The following SLC4A2 variants were observed in gnomAD, a reference collection of about 807,000 sequenced individuals.
SLC4A2 encodes solute carrier family 4 member 2, also known as anion exchange protein 2.
Under a neutral mutation model 115.0 loss-of-function variants are expected in SLC4A2, and 36 were observed. The ratio of observed to expected loss-of-function variants is 0.31; its 90% CI spans 0.24 to 0.41. The LOEUF is 0.41. Ranked by LOEUF, SLC4A2 falls within the 10% of genes least tolerant of loss-of-function variation. The probability of loss-of-function intolerance (pLI) is 1.00; values close to 1 mark genes in which losing one functional copy is unlikely to be tolerated. For synonymous variants in SLC4A2, 708 were observed against 708.3 expected, an observed-to-expected ratio of 1.00 and a Z score of 0.01; for missense variants, 1,252 against 1,705.6, an observed-to-expected ratio of 0.73 and a Z score of 4.68.
chr7:151,074,104 G>A lies in SLC4A2; in HGVS notation c.2601G>A (p.Glu867=), dbSNP rs1797533885. The change falls in exon 17 of 23, where the codon GAG becomes GAA. Residue 867 remains glutamate, a synonymous_variant. Transcript: ENST00000413384. ...ASNSSEVDGG[E]NMTWAGARPT... ...ACAGCTCAGAGGTGGACGGCGGTGA[G>A]AACATGACATGGGCCGGGGCAAGAC... 2.5e-6 allele frequency: 4 copies of A among 1,611,276 alleles called. No homozygotes were observed. Among genetic ancestry groups the A allele is most frequent in the Non-Finnish European group, 3.4e-6 (4 of 1,179,034 alleles).
At chr7:151,062,439 C>T in intron 2 of SLC4A2, 1 of 1,045,132 alleles carries the variant, frequency 9.6e-7, no homozygotes, top group Non-Finnish European at 1.3e-6. Context: ...TGCCCACGTG[C>T]CACCCAGGCC....
At chr7:151,058,301 G>A (rs1470311411), upstream of SLC4A2, 9 of 213,124 alleles carry the variant, frequency 4.2e-5, no homozygotes, top group Non-Finnish European at 6.7e-5. Context: ...AGGGGTTTGG[G>A]GTTTGGCGGC....
rs145331845 is a variant in SLC4A2, at chr7:151,076,173, G to C, written c.3632G>C (p.Arg1211Pro). The stretch of plus-strand genomic sequence containing the variant: ...GTGCTCACCCGTATCTTCACCGACC[G>C]AGAGATGAAATGTGTAAGCCCTCCC... Reference protein sequence around the residue: ...MVVLTRIFTDREMKCLDANEA... With the variant: ...MVVLTRIFTDPEMKCLDANEA... The change falls in exon 22 of 23, where the codon CGA becomes CCA. Residue 1211 changes from arginine (R) to proline (P), a missense_variant. By Grantham distance (103) the Arg-to-Pro change is moderately radical (BLOSUM62 -2). Around this residue, in one of 14 missense-constraint regions of SLC4A2, gnomAD observed 52 missense variants for 40.6 expected, o/e 1.28. Transcript: ENST00000413384. 6.2e-7 allele frequency: 1 copy of C among 1,611,296 alleles called. No individual in the cohort carries two copies. The highest frequency in any genetic ancestry group is 1.1e-5 in the South Asian group (1 of 91,030).
rs376563966 is a variant in SLC4A2, at chr7:151,071,332, C to T, written c.1975+35C>T. 2.1e-4 allele frequency: 327 copies of T among 1,542,628 alleles called. 2 individuals are homozygous for T. Among genetic ancestry groups the T allele is most frequent in the South Asian group, 1.9e-3 (164 of 84,468 alleles). On this transcript the variant is annotated intron_variant, in intron 13 of 22. Coordinates refer to ENST00000413384, the MANE Select transcript of SLC4A2 (RefSeq NM_003040.4). The surrounding 1 kb of genome is among the most constrained non-coding windows in gnomAD (Gnocchi z 5.5). ...GGGCGGGCTGGGGCCAGGGCTGCCT[C>T]GAGGGGGTGAGGTGGGCAAGAGGGG... is the stretch of plus-strand genomic sequence containing the variant.
At chr7:151,068,236 T>C (rs1375532994) in intron 8 of SLC4A2, among the ~76,000 whole-genome samples, 182 bp downstream of exon 8, 2 of 152,250 alleles carry the variant, frequency 1.3e-5, no homozygotes, top group Non-Finnish European at 2.9e-5. Context: ...AGATAACAAC[T>C]GAAGCCGATG....
rs755639002 is a variant in SLC4A2 at position 151,066,552 on chromosome 7, C to T, written c.614C>T (p.Ala205Val). 28 of 1,539,594 alleles carry T rather than the reference C, an allele frequency of 1.8e-5. No homozygotes were observed. The highest frequency in any genetic ancestry group is 8.3e-5 in the African/African-American group (6 of 72,726). ...QVEEAEAEAVAVASGTAGGDD... is the reference protein window; with the variant it reads ...QVEEAEAEAVVVASGTAGGDD... ...GAGGAGGCGGAGGCGGAGGCGGTGG[C>T]GGTGGCCAGTGGCACTGCAGGGGGT... The change falls in exon 6 of 23, where the codon GCG becomes GTG. Residue 205 changes from alanine (A) to valine (V), a missense_variant. Physicochemically the swap from Ala to Val is moderately conservative, Grantham distance 64. This residue lies in a region of SLC4A2 where 215 missense variants were observed against 205.2 expected (regional missense o/e 1.05). Coordinates refer to ENST00000413384, the MANE Select transcript of SLC4A2 (RefSeq NM_003040.4).
At position 151,071,869 on chromosome 7, in the gene SLC4A2, C is replaced by T; in HGVS notation, c.2340+32C>T. On this transcript the variant is annotated intron_variant, in intron 15 of 22. Transcript: ENST00000413384. This position sits in a 1 kb window ranked among gnomAD's most constrained non-coding sequence, Gnocchi z 5.5. Reference sequence around the variant, plus strand: ...GCTCTTCTCGCCCATCTCCAGCCGCCCCTCCCGTGCCCTAGACACCTCCCC... The same window carrying T: ...GCTCTTCTCGCCCATCTCCAGCCGCTCCTCCCGTGCCCTAGACACCTCCCC... 1 of 1,602,260 alleles carries T rather than the reference C, an allele frequency of 6.2e-7. No homozygotes were observed. The highest frequency in any genetic ancestry group is 8.5e-7 in the Non-Finnish European group (1 of 1,172,912).
In SLC4A2 at chr7:151,069,461, A is replaced by AG. The variant is rs558273718; in HGVS notation, c.1148-480dup. Among the ~76,000 whole-genome samples the AG allele has an allele frequency of 1.0e-3, 157 of 152,206 alleles. 1 individual carries two copies. Among genetic ancestry groups the AG allele is most frequent in the Non-Finnish European group, 1.8e-3 (125 of 68,002 alleles). Reference sequence around the variant, plus strand: ...AAGGAAGTCAAGAAGCTTGGGGCGGAGGGGGGTCTTCAGATGGCTCCAGGG... The same window carrying AG: ...AAGGAAGTCAAGAAGCTTGGGGCGGAGGGGGGGTCTTCAGATGGCTCCAGGG... On this transcript the variant is annotated intron_variant, in intron 8 of 22. Transcript: ENST00000413384.
In SLC4A2 at chr7:151,064,831, G is replaced by T. The variant is rs370493273; in HGVS notation, c.460-17G>T. The T allele has an allele frequency of 6.8e-5, 109 of 1,613,720 alleles. No homozygotes were observed. The highest frequency in any genetic ancestry group is 8.4e-5 in the Non-Finnish European group (99 of 1,179,944). ...CCCTGGCCTGGTCACTCCTGCCCAT[G>T]TGGGTCCCTGTTACAGTTCTTTCTC... On this transcript the variant is annotated splice_polypyrimidine_tract_variant and intron_variant, in intron 4 of 22. Transcript: ENST00000413384.
intron 8 of SLC4A2, among the ~76,000 whole-genome samples, chr7:151,069,151 A>AAAAAAAAAAAAAAAAAC (rs1217178183): frequency 6.8e-6 from 1 of 146,756 alleles, no homozygotes; most frequent in Non-Finnish European, 1.5e-5. Context: ...AAAAAAAAAA[A>AAAAAAAAAAAAAAAAAC]AAAAAAAAGC....
chr7:151,071,974 G>T lies in SLC4A2; in HGVS notation c.2373G>T (p.Val791=). ...GCAGCAACCACCTGGAGTACCTGGT[G>T]GGCCGTGTGTGGATCGGCTTCTGGC... ...FCSSNHLEYL[V]GRVWIGFWLV... Residue 791 remains valine (V), a synonymous_variant, in exon 16 of 23, where the codon GTG becomes GTT. Coordinates refer to ENST00000413384, the MANE Select transcript of SLC4A2 (RefSeq NM_003040.4). This position sits in a 1 kb window ranked among gnomAD's most constrained non-coding sequence, Gnocchi z 5.5. 1 of 1,614,090 alleles carries T rather than the reference G, an allele frequency of 6.2e-7. No individual in the cohort carries two copies. The highest frequency in any genetic ancestry group is 1.1e-5 in the South Asian group (1 of 91,072).
chr7:151,075,669 T>C lies in SLC4A2; in HGVS notation c.3365T>C (p.Phe1122Ser). 1.2e-6 allele frequency: 2 copies of C among 1,610,636 alleles called. No individual in the cohort carries two copies. The highest frequency in any genetic ancestry group is 1.7e-6 in the Non-Finnish European group (2 of 1,178,660). ...QIPLAVLFGI[F>S]LYMGVTSLNG... ...CCCCTGGCCGTGCTCTTTGGAATTT[T>C]CCTGTACATGGGAGTCACCTCCCTT... is the stretch of plus-strand genomic sequence containing the variant. The change falls in exon 21 of 23, where the codon TTC (phenylalanine) becomes TCC (serine). Residue 1122 changes from phenylalanine to serine, a missense_variant. Coordinates refer to ENST00000413384, the MANE Select transcript of SLC4A2 (RefSeq NM_003040.4).
At chr7:151,067,087 C>T (rs1797262037) in intron 7 of SLC4A2, 94 bp downstream of exon 7, 2 of 1,328,570 alleles carry the variant, frequency 1.5e-6, no homozygotes, top group South Asian at 1.4e-5. Flanking sequence ...TCAGGGTTGC[C>T]ACTGTTGTTT....
intron 5 of SLC4A2, among the ~76,000 whole-genome samples, chr7:151,065,693 C>T (rs771347465): frequency 5.3e-5 from 8 of 152,174 alleles, no homozygotes; most frequent in African/African-American, 9.7e-5. Context: ...GGCACAGATG[C>T]GGGCGGCGGG....
rs1376866588 is a variant in SLC4A2, at chr7:151,076,313, G to A, written c.3672G>A (p.Val1224=). Reference sequence around the variant, plus strand: ...TGGATGCTAACGAGGCAGAGCCGGTGTTTGATGAGCGGGAGGGTGTGGACG... The same window carrying A: ...TGGATGCTAACGAGGCAGAGCCGGTATTTGATGAGCGGGAGGGTGTGGACG... The part of the protein sequence containing the change: ...KCLDANEAEP[V]FDEREGVDEY... The change falls in exon 23 of 23, where the codon GTG becomes GTA. Residue 1224 remains valine (V), a synonymous_variant. Transcript: ENST00000413384. 4 of 1,548,402 alleles carry A rather than the reference G, an allele frequency of 2.6e-6. No homozygotes were observed. The highest frequency in any genetic ancestry group is 3.5e-6 in the Non-Finnish European group (4 of 1,144,980).
rs1334648209 is a variant in SLC4A2, at chr7:151,064,725, T to G, written c.417T>G (p.Ala139=). Residue 139 remains alanine, a synonymous_variant, in exon 4 of 23, where the codon GCT becomes GCG. Coordinates refer to ENST00000413384, the MANE Select transcript of SLC4A2 (RefSeq NM_003040.4). ...CCAGCGAGGCTGAGGGGGCCCGGGC[T>G]CTCACTCAGCCGTCCCCTGTCTCCA... ...DEASEAEGAR[A]LTQPSPVSTP... is the part of the protein sequence containing the mutation. 1 of 1,612,132 alleles carries G rather than the reference T, an allele frequency of 6.2e-7. No homozygotes were observed. Among genetic ancestry groups the G allele is most frequent in the South Asian group, 1.1e-5 (1 of 90,988 alleles).
Position 151,076,372 on chromosome 7 carries a change from C to CA in SLC4A2, c.*6dup, listed in dbSNP as rs1797644940. The CA allele has an allele frequency of 6.7e-7, 1 of 1,489,798 alleles. No individual in the cohort carries two copies. The highest frequency in any genetic ancestry group is 2.4e-5 in the East Asian group (1 of 41,606). 92.3% of individuals were successfully genotyped at this position (1,489,798 alleles called of 1,614,324 possible). ...GAGATGCCCATGCCTGTGTAGCCGCCACCGAGGGACAGCCGAGGGACCGAT... is the reference window on the plus strand; with the variant it reads ...GAGATGCCCATGCCTGTGTAGCCGCCAACCGAGGGACAGCCGAGGGACCGAT... On this transcript the variant is annotated 3_prime_UTR_variant, in exon 23 of 23. Coordinates refer to ENST00000413384, the MANE Select transcript of SLC4A2 (RefSeq NM_003040.4).
At chr7:151,061,457 G>GC (rs922785753) in intron 1 of SLC4A2, 1 of 154,836 alleles carries the variant, frequency 6.5e-6, no homozygotes, top group African/African-American at 2.4e-5. Flanking sequence ...CGGCAGCCCG[G>GC]CCCCGGCTCC....
Position 151,071,059 on chromosome 7 carries a change from G to A in SLC4A2, c.1750-13G>A, listed in dbSNP as rs1204700438. On this transcript the variant is annotated splice_polypyrimidine_tract_variant and intron_variant, in intron 12 of 22. Coordinates refer to ENST00000413384, the MANE Select transcript of SLC4A2 (RefSeq NM_003040.4). The surrounding 1 kb of genome is among the most constrained non-coding windows in gnomAD (Gnocchi z 5.5). ...TCTTTGTGCTCTCCCCCATCCCCAT[G>A]CTGCTTTGGCAGCAATTCCACGAGG... The A allele has an allele frequency of 1.2e-6, 2 of 1,612,262 alleles. No homozygotes were observed.
Sources: gnomAD v4.1 joint callset for allele counts (sites outside exome capture counted in the v4.1 genomes callset) on GRCh38, gnomAD v4.1.1 for gene constraint, gnomAD v4.1.1 regional missense constraint, Gnocchi (gnomAD v3.1) non-coding constraint, MANE v1.5 for transcripts, NCBI Gene and HGNC (gene_info 2026-07-23, HGNC 2026-07-21) for gene names.